Variants in EDIL3 observed in about 807,000 individuals in gnomAD.
The protein encoded by EDIL3 is EGF like and discoidin domains 3.
EDIL3 carries 37 observed loss-of-function variants against 67.4 expected under a neutral mutation model. The observed-to-expected ratio is 0.55, with a 90% confidence interval of 0.42 to 0.72. The LOEUF (loss-of-function observed/expected upper bound fraction) is 0.72, where lower values mean the gene tolerates loss of function less well. Among genes scored for constraint, EDIL3 ranks in the 30% least tolerant of loss-of-function variants. The pLI is 0.00. For missense variants in EDIL3, 527 were observed against 586.3 expected, an observed-to-expected ratio of 0.90 and a Z score of 1.04; for synonymous variants, 195 against 196.3, an observed-to-expected ratio of 0.99 and a Z score of 0.05.
chr5:83,969,153 T>G (rs1331698306), intron 9 of EDIL3, among the ~76,000 whole-genome samples: 1 of 151,756 alleles, frequency 6.6e-6, no homozygotes, highest in African/African-American at 2.4e-5. Context: ...TTAAAATATT[T>G]TTATATTGTC....
intron 1 of EDIL3, among the ~76,000 whole-genome samples, chr5:84,328,007 T>A (rs554666768): frequency 6.6e-6 from 1 of 152,110 alleles, no homozygotes; most frequent in East Asian, 1.9e-4. Flanking sequence ...TAAGTGCTTC[T>A]CAAAGAGAAG....
At chr5:84,209,722 G>A (rs75506031) in intron 3 of EDIL3, among the ~76,000 whole-genome samples, 1,590 of 152,268 alleles carry the variant, frequency 0.01, 33 homozygotes, top group African/African-American at 0.036. Flanking sequence ...GGGTAGAAAA[G>A]TTGGCAGTGC....
chr5:84,359,954 A>T (rs1747563452), intron 1 of EDIL3, among the ~76,000 whole-genome samples: 1 of 152,226 alleles, frequency 6.6e-6, no homozygotes, highest in South Asian at 2.1e-4. Context: ...CTTAAAGATT[A>T]TAATTACCAT....
intron 1 of EDIL3, among the ~76,000 whole-genome samples, chr5:84,349,222 T>G (rs1419467634): frequency 6.6e-6 from 1 of 152,204 alleles, no homozygotes; most frequent in Non-Finnish European, 1.5e-5. Flanking sequence ...GCATCGGATT[T>G]TTCCGCAGGC....
At chr5:84,346,126 T>G (rs1242706687) in intron 1 of EDIL3, among the ~76,000 whole-genome samples, 1 of 129,884 alleles carries the variant, frequency 7.7e-6, no homozygotes, top group East Asian at 2.0e-4. Flanking sequence ...GTCATCAAAC[T>G]TTTTTTTTCT....
chr5:84,105,078 T>C (rs756084435), intron 6 of EDIL3, among the ~76,000 whole-genome samples: 23 of 152,120 alleles, frequency 1.5e-4, no homozygotes, highest in Non-Finnish European at 2.8e-4. Context: ...GCATTTCAAC[T>C]AGAGTGATTA....
chr5:84,045,108 A>T (rs1322611121), intron 9 of EDIL3, among the ~76,000 whole-genome samples: 1 of 152,168 alleles, frequency 6.6e-6, no homozygotes, highest in Non-Finnish European at 1.5e-5. Flanking sequence ...CAAGAGAAAG[A>T]GGAAAACCCT....
intron 1 of EDIL3, among the ~76,000 whole-genome samples, chr5:84,310,506 T>C (rs1397248363): frequency 6.6e-6 from 1 of 152,178 alleles, no homozygotes; most frequent in Non-Finnish European, 1.5e-5. Context: ...AAAAATTAAT[T>C]CTAGTATGCC....
At chr5:84,011,754 CT>C (rs938123640) in intron 9 of EDIL3, among the ~76,000 whole-genome samples, 3 of 152,090 alleles carry the variant, frequency 2.0e-5, no homozygotes, top group African/African-American at 7.2e-5. Flanking sequence ...TTTTGCCTTT[CT>C]CCCCAAAACT....
At chr5:84,173,880 T>C (rs1748855762) in intron 4 of EDIL3, among the ~76,000 whole-genome samples, 1 of 152,184 alleles carries the variant, frequency 6.6e-6, no homozygotes, top group Non-Finnish European at 1.5e-5. Flanking sequence ...ATGCTATCTA[T>C]GCTGAGCATT....
chr5:84,240,328 A>T (rs73142622), intron 2 of EDIL3, among the ~76,000 whole-genome samples: 3,041 of 152,282 alleles, frequency 0.02, 96 homozygotes, highest in African/African-American at 0.069. Context: ...CTTGAATAAT[A>T]TATTATCAAG....
chr5:84,168,510 AAGAT>A (rs1441129828), intron 4 of EDIL3, among the ~76,000 whole-genome samples: 2 of 152,170 alleles, frequency 1.3e-5, no homozygotes, highest in African/African-American at 2.4e-5. Flanking sequence ...ATGCTGTTGA[AAGAT>A]AGAAAGAGTG....
chr5:84,373,904 A>G (rs547287334), intron 1 of EDIL3, among the ~76,000 whole-genome samples: 1 of 152,316 alleles, frequency 6.6e-6, no homozygotes, highest in African/African-American at 2.4e-5. Context: ...GGTACTTAAA[A>G]ACAGAGATGG....
chr5:84,106,101 T>C (rs1418032142), intron 6 of EDIL3, among the ~76,000 whole-genome samples: 2 of 152,090 alleles, frequency 1.3e-5, no homozygotes, highest in African/African-American at 4.8e-5. Flanking sequence ...TGCTACCCCC[T>C]CTGGGAAATC....
chr5:84,238,364 T>A (rs1486391811), intron 2 of EDIL3, among the ~76,000 whole-genome samples: 1 of 152,024 alleles, frequency 6.6e-6, no homozygotes, highest in Non-Finnish European at 1.5e-5. Flanking sequence ...TTGGCTTAAT[T>A]AAAATATATT....
chr5:84,030,024 T>A (rs1277933670), intron 9 of EDIL3, among the ~76,000 whole-genome samples: 2 of 152,150 alleles, frequency 1.3e-5, no homozygotes, highest in Admixed American at 6.6e-5. Flanking sequence ...ATTATCTGGG[T>A]ACAGGCTCGA....
rs143318090 is a variant in EDIL3 at position 84,306,529 on chromosome 5, C to T, written c.68-52317G>A. Among the ~76,000 whole-genome samples the T allele has an allele frequency of 1.4e-3, 213 of 152,196 alleles. 5 individuals are homozygous for T. In the East Asian group the frequency reaches 0.037, roughly 26 times the overall value. On this transcript the variant is annotated intron_variant, in intron 1 of 10. Coordinates refer to ENST00000296591, the MANE Select transcript of EDIL3 (RefSeq NM_005711.5). ...AAGTGGATGAATTCTATTCTACAGG[C>T]GAATTAACTACCACTGTTTCTTGAC...
intron 1 of EDIL3, among the ~76,000 whole-genome samples, chr5:84,333,845 C>T (rs1216179129): frequency 6.6e-6 from 1 of 151,956 alleles, no homozygotes; most frequent in African/African-American, 2.4e-5. Context: ...TTTAGTGCTG[C>T]CTGACAGAAT....
intron 3 of EDIL3, among the ~76,000 whole-genome samples, chr5:84,199,118 C>G (rs1743779364): frequency 6.6e-6 from 1 of 151,872 alleles, no homozygotes; most frequent in African/African-American, 2.4e-5. Flanking sequence ...ACAGCCAAAT[C>G]CTGGTTCATC....
Sources: allele counts gnomAD v4.1 joint callset (sites outside exome capture counted in the v4.1 genomes callset), GRCh38; gene constraint gnomAD v4.1.1; transcripts MANE v1.5; gene names NCBI Gene and HGNC (gene_info 2026-07-23, HGNC 2026-07-21).